The following LOXL3 variants were observed in gnomAD, a reference collection of about 807,000 sequenced individuals.
LOXL3 encodes lysyl oxidase like 3.
A neutral mutation model predicts 91.8 loss-of-function variants in LOXL3; 60 were observed. The ratio of observed to expected loss-of-function variants is 0.65; its 90% confidence interval spans 0.53 to 0.81. The LOEUF (loss-of-function observed/expected upper bound fraction) is 0.81, where lower values mean the gene tolerates loss of function less well. LOXL3 is among the 30% of genes least tolerant of loss of function. The pLI is 0.00. For synonymous variants in LOXL3, 355 were observed against 387.6 expected (o/e 0.92, Z 0.99); for missense variants, 874 against 1,000.4 (o/e 0.87, Z 1.70).
At chr2:74,543,900 C>CA (rs960168777) in intron 4 of LOXL3, among the ~76,000 whole-genome samples, 5,135 of 64,280 alleles carry the variant, frequency 0.08, 543 homozygotes, top group African/African-American at 0.2. Flanking sequence ...GGCTCTGTCT[C>CA]AAAAAAAAAA....
At position 74,536,024 on chromosome 2, in the gene LOXL3, T is replaced by C; in HGVS notation, c.1220A>G (p.Asn407Ser). 1 of 1,593,924 alleles carries C rather than the reference T, an allele frequency of 6.3e-7. No individual in the cohort carries two copies. Among genetic ancestry groups the C allele is most frequent in the Non-Finnish European group, 8.5e-7 (1 of 1,170,428 alleles). Reference sequence around the variant, plus strand: ...GGTCTCTGCCCCAGTGTAAGGTAGGTTGCACCGGACCCCGGCATCCTGGCT... The same window carrying C: ...GGTCTCTGCCCCAGTGTAAGGTAGGCTGCACCGGACCCCGGCATCCTGGCT... ...SHSQDAGVRC[N>S]LPYTGAETRI... Residue 407 changes from asparagine to serine, a missense_variant, in exon 7 of 14, where the codon AAC becomes AGC. Coordinates refer to ENST00000264094, the MANE Select transcript of LOXL3 (RefSeq NM_032603.5). The surrounding 1 kb of genome is among the most constrained non-coding windows in gnomAD (Gnocchi z 4.5).
chr2:74,536,953 G>A lies in LOXL3; in HGVS notation c.693-25C>T, dbSNP rs1207002731. Reference sequence around the variant, plus strand: ...CCTAGGGGGACAGGAGTGAGGTGCAGTAGGGTAAAACAATGCTCCTGCCTC... The same window carrying A: ...CCTAGGGGGACAGGAGTGAGGTGCAATAGGGTAAAACAATGCTCCTGCCTC... On this transcript the variant is annotated intron_variant, in intron 4 of 13. Coordinates refer to ENST00000264094, the MANE Select transcript of LOXL3 (RefSeq NM_032603.5). The surrounding 1 kb of genome is among the most constrained non-coding windows in gnomAD (Gnocchi z 4.5). The A allele has an allele frequency of 6.3e-7, 1 of 1,599,360 alleles. No individual in the cohort carries two copies. Among genetic ancestry groups the A allele is most frequent in the East Asian group, 2.2e-5 (1 of 44,756 alleles).
At position 74,535,322 on chromosome 2, in the gene LOXL3, G is replaced by A. The variant is rs147506172; in HGVS notation, c.1549C>T (p.Arg517Cys). ...THITCKRTGT[R>C]FTAGVICSET... ...GAACAGATGACTCCAGCAGTGAAGC[G>A]GGTCCCTGTCCTCTTGCAGGTGATG... The change falls in exon 9 of 14, where the codon CGC becomes TGC. Residue 517 changes from arginine to cysteine, a missense_variant. By Grantham distance (180) the Arg-to-Cys change is radical (BLOSUM62 -3). Coordinates refer to ENST00000264094, the MANE Select transcript of LOXL3 (RefSeq NM_032603.5). The surrounding 1 kb of genome is among the most constrained non-coding windows in gnomAD (Gnocchi z 4.2). 11 of 1,613,806 alleles carry A rather than the reference G, an allele frequency of 6.8e-6. No individual in the cohort carries two copies. The highest frequency in any genetic ancestry group is 4.0e-5 in the African/African-American group (3 of 74,920).
In LOXL3 at chr2:74,552,309, GATCA is replaced by G; in HGVS notation, c.313+9_313+12del. On this transcript the variant is annotated intron_variant, in intron 2 of 13. Coordinates refer to ENST00000264094, the MANE Select transcript of LOXL3 (RefSeq NM_032603.5). ...ATAGGAAATATCTAGGATATGCCTG[GATCA>G]TTGCTCACCTGTTCCAGGGCCATAT... 6.3e-7 allele frequency: 1 copy of G among 1,589,322 alleles called. No homozygotes were observed. Among genetic ancestry groups the G allele is most frequent in the Non-Finnish European group, 8.6e-7 (1 of 1,160,100 alleles).
chr2:74,533,793 GA>G, intron 13 of LOXL3, 88 bp downstream of exon 13: 3 of 1,425,954 alleles, frequency 2.1e-6, no homozygotes, highest in Non-Finnish European at 3.0e-6. Flanking sequence ...AGGAAGGTGG[GA>G]AGATGGAGAA....
Position 74,534,509 on chromosome 2 carries a change from A to G in LOXL3, c.1823+22T>C, listed in dbSNP as rs200328177. 4.1e-5 allele frequency: 66 copies of G among 1,613,644 alleles called. No individual in the cohort carries two copies. In the African/African-American group the frequency reaches 7.3e-4, roughly 18 times the overall value. On this transcript the variant is annotated intron_variant, in intron 10 of 13. Transcript: ENST00000264094. ...CCATCCCCCGTGGTCTTGCCCTTCT[A>G]CTTGACTCCCTACCCTCTCACCCAT...
intron 4 of LOXL3, among the ~76,000 whole-genome samples, chr2:74,547,996 T>C (rs960554091): frequency 1.3e-5 from 2 of 152,272 alleles, no homozygotes; most frequent in African/African-American, 4.8e-5. Flanking sequence ...GGTTACATCA[T>C]TGAAGTGTTC....
Position 74,535,512 on chromosome 2 carries a change from G to A in LOXL3, c.1417-58C>T. ...CAGGATCCAGCATCTTGGGCCAAGG[G>A]ACTCATTCCTCAGCCCTCTGCCCAA... On this transcript the variant is annotated intron_variant, in intron 8 of 13. Coordinates refer to ENST00000264094, the MANE Select transcript of LOXL3 (RefSeq NM_032603.5). This position sits in a 1 kb window ranked among gnomAD's most constrained non-coding sequence, Gnocchi z 4.2. 6.2e-7 allele frequency: 1 copy of A among 1,611,826 alleles called. No homozygotes were observed. Among genetic ancestry groups the A allele is most frequent in the Non-Finnish European group, 8.5e-7 (1 of 1,179,624 alleles).
chr2:74,539,409 G>C (rs1049682392), intron 4 of LOXL3, among the ~76,000 whole-genome samples: 1 of 152,142 alleles, frequency 6.6e-6, no homozygotes. Flanking sequence ...CAATCCAGGT[G>C]GGGGAGTTGG....
At chr2:74,552,698 C>A in intron 1 of LOXL3, 52 bp from the exon 2 acceptor site, 1 of 1,414,994 alleles carries the variant, frequency 7.1e-7, no homozygotes, top group Non-Finnish European at 9.4e-7. Context: ...TGAGTGGGGC[C>A]CAGAGTCAGA....
upstream of LOXL3, chr2:74,555,101 C>T (rs995196504): frequency 5.8e-6 from 9 of 1,558,858 alleles, no homozygotes; most frequent in African/African-American, 9.5e-5. This position sits in a 1 kb window ranked among gnomAD's most constrained non-coding sequence, Gnocchi z 6.1. Flanking sequence ...CCGTCGGGAC[C>T]CGGGCCGCCT....
chr2:74,534,596 G>A lies in LOXL3; in HGVS notation c.1758C>T (p.Asn586=). ...TGGGCCTGAAGTCAGCTCGTCCCAG[G>A]TTGTGGATCTGGGAGGAGAATCGGA... ...RLLRFSSQIH[N]LGRADFRPKA... is the part of the protein sequence containing the mutation. The change falls in exon 10 of 14, where the codon AAC becomes AAT. Residue 586 remains asparagine, a synonymous_variant. Transcript: ENST00000264094. 1 of 1,614,224 alleles carries A rather than the reference G, an allele frequency of 6.2e-7. No individual in the cohort carries two copies. The highest frequency in any genetic ancestry group is 8.5e-7 in the Non-Finnish European group (1 of 1,180,046).
chr2:74,555,041 C>A, upstream of LOXL3: 1 of 1,437,038 alleles, frequency 7.0e-7, no homozygotes, highest in Non-Finnish European at 9.3e-7. This position sits in a 1 kb window ranked among gnomAD's most constrained non-coding sequence, Gnocchi z 6.1. Context: ...GCCCCCAACC[C>A]CGTTTGGAAG....
intron 13 of LOXL3, 101 bp from the exon 14 acceptor site, chr2:74,533,780 T>G: frequency 7.0e-7 from 1 of 1,423,178 alleles, no homozygotes. Flanking sequence ...CTGAGAGCTC[T>G]ACAGGAAGGT....
chr2:74,555,054 C>G, upstream of LOXL3: 1 of 1,465,692 alleles, frequency 6.8e-7, no homozygotes, highest in East Asian at 2.4e-5. The surrounding 1 kb of genome is among the most constrained non-coding windows in gnomAD (Gnocchi z 6.1). Flanking sequence ...TTTGGAAGCC[C>G]CAGATCCCAA....
upstream of LOXL3, chr2:74,555,399 C>T: frequency 5.6e-6 from 9 of 1,611,716 alleles, no homozygotes; most frequent in Non-Finnish European, 6.8e-6. The surrounding 1 kb of genome is among the most constrained non-coding windows in gnomAD (Gnocchi z 6.1). Flanking sequence ...TGCTGGCGGC[C>T]GACGCGCCGT....
chr2:74,553,140 G>A (rs1677131981), intron 1 of LOXL3: 1 of 155,530 alleles, frequency 6.4e-6, no homozygotes, highest in Non-Finnish European at 1.4e-5. Context: ...GAGCCAAGGG[G>A]CGGACGTGGG....
chr2:74,540,320 G>A (rs935845954), intron 4 of LOXL3, among the ~76,000 whole-genome samples: 1 of 152,216 alleles, frequency 6.6e-6, no homozygotes, highest in Non-Finnish European at 1.5e-5. Context: ...AACCTCAGTG[G>A]AGGGCTAAGG....
chr2:74,549,763 G>A lies in LOXL3; in HGVS notation c.478-180C>T. 7.0e-7 allele frequency: 1 copy of A among 1,430,482 alleles called. No individual in the cohort carries two copies. Among genetic ancestry groups the A allele is most frequent in the Non-Finnish European group, 9.1e-7 (1 of 1,093,684 alleles). The allele number at this position is 1,430,482 out of a possible 1,614,324, so 88.6% of individuals were successfully genotyped here. A position where few individuals can be genotyped will look rare whatever the true frequency, so the allele number is the denominator to read the frequency against. ...CGCGGTGTGGACTCTCTTGCAGCCA[G>A]CAGCGCGTGGGATGTGCTGTGCTCC... On this transcript the variant is annotated intron_variant, in intron 3 of 13. Transcript: ENST00000264094. This position sits in a 1 kb window ranked among gnomAD's most constrained non-coding sequence, Gnocchi z 5.3.
Sources: gnomAD v4.1 joint callset for allele counts (sites outside exome capture counted in the v4.1 genomes callset) on GRCh38, gnomAD v4.1.1 for gene constraint, Gnocchi (gnomAD v3.1) non-coding constraint, MANE v1.5 for transcripts, NCBI Gene and HGNC (gene_info 2026-07-23, HGNC 2026-07-21) for gene names.